Variants in SGCZ observed in about 807,000 individuals in gnomAD.
SGCZ encodes zeta-sarcoglycan.
Under a neutral mutation model 41.3 loss-of-function variants are expected in SGCZ, and 40 were observed. The ratio of observed to expected loss-of-function variants is 0.97; its 90% CI spans 0.75 to 1.26. The LOEUF (loss-of-function observed/expected upper bound fraction) is 1.26, where lower values mean the gene tolerates loss of function less well. Among genes scored for constraint, SGCZ ranks in the 50% most tolerant of loss-of-function variants. The pLI is 0.00. For missense variants in SGCZ, 552 were observed against 369.8 expected, an observed-to-expected ratio of 1.49 and a Z score of -4.04; for synonymous variants, 206 against 137.5, an observed-to-expected ratio of 1.50 and a Z score of -3.49.
chr8:14,197,819 C>A (rs1371799275), intron 4 of SGCZ, among the ~76,000 whole-genome samples: 2 of 151,516 alleles, frequency 1.3e-5, no homozygotes, highest in Non-Finnish European at 2.9e-5. Context: ...AATAATACAA[C>A]CAAGAAAAAT....
chr8:15,149,549 C>A (rs903519731), intron 1 of SGCZ, among the ~76,000 whole-genome samples: 8 of 152,140 alleles, frequency 5.3e-5, no homozygotes, highest in Non-Finnish European at 1.2e-4. Context: ...CTAGCCAACC[C>A]TCCTGCTTTA....
intron 1 of SGCZ, among the ~76,000 whole-genome samples, chr8:14,613,147 T>A (rs1301934046): frequency 1.3e-5 from 2 of 152,120 alleles, no homozygotes; most frequent in Non-Finnish European, 2.9e-5. Context: ...GGAGGGTGCA[T>A]GCTGAGTGGG....
chr8:15,010,332 A>G (rs886282422), intron 1 of SGCZ, among the ~76,000 whole-genome samples: 10 of 152,362 alleles, frequency 6.6e-5, no homozygotes, highest in African/African-American at 2.4e-4. Context: ...TTTACAAAAG[A>G]TATAATTCTA....
chr8:14,540,515 T>G (rs1037938), intron 2 of SGCZ, among the ~76,000 whole-genome samples: 2 of 151,432 alleles, frequency 1.3e-5, no homozygotes, highest in African/African-American at 4.8e-5. Context: ...ACCCTTCCAC[T>G]GATTCCCAGA....
At chr8:14,346,041 T>A (rs1242802023) in intron 2 of SGCZ, among the ~76,000 whole-genome samples, 1 of 152,092 alleles carries the variant, frequency 6.6e-6, no homozygotes, top group Non-Finnish European at 1.5e-5. Context: ...CCCCCTAGAA[T>A]ATACAACACA....
At chr8:14,618,392 A>G (rs1223621934) in intron 1 of SGCZ, among the ~76,000 whole-genome samples, 2 of 152,170 alleles carry the variant, frequency 1.3e-5, no homozygotes, top group East Asian at 1.9e-4. Flanking sequence ...GGAGTCCATG[A>G]AGATATTTGA....
At chr8:14,259,378 C>G (rs1799573703) in intron 3 of SGCZ, among the ~76,000 whole-genome samples, 1 of 151,614 alleles carries the variant, frequency 6.6e-6, no homozygotes, top group African/African-American at 2.4e-5. Context: ...GACATGAAGT[C>G]CTTGCCCATG....
At chr8:14,455,451 T>A (rs901044767) in intron 2 of SGCZ, among the ~76,000 whole-genome samples, 3 of 115,004 alleles carry the variant, frequency 2.6e-5, no homozygotes, top group Non-Finnish European at 5.4e-5. Context: ...GACATTTGCA[T>A]GCATACACAC....
At chr8:14,839,064 A>G (rs1446777589) in intron 1 of SGCZ, among the ~76,000 whole-genome samples, 1 of 152,204 alleles carries the variant, frequency 6.6e-6, no homozygotes, top group East Asian at 1.9e-4. Flanking sequence ...GCTGGCAAGA[A>G]TAGACTTTCA....
chr8:14,253,241 A>AGG lies in SGCZ; in HGVS notation c.337-15564_337-15563dup, dbSNP rs1563214437. 1.3e-4 allele frequency among the ~76,000 whole-genome samples: 12 copies of AGG among 90,248 alleles called. No individual in the cohort carries two copies. The East Asian group carries it at 1.4e-3, about 10-fold the overall frequency. The allele number at this position is 90,248 out of a possible 152,430, so 59.2% of individuals were successfully genotyped here. A position where few individuals can be genotyped will look rare whatever the true frequency, so the allele number is the denominator to read the frequency against. On this transcript the variant is annotated intron_variant, in intron 3 of 7. Coordinates refer to ENST00000382080, the MANE Select transcript of SGCZ (RefSeq NM_139167.4). ...TGCTTCTAAAAAATAAGTTGTGTGT[A>AGG]GGGTGTGTGTGTGTGTGTGTGTGTG...
chr8:15,215,175 T>C (rs765559986), intron 1 of SGCZ, among the ~76,000 whole-genome samples: 3 of 152,172 alleles, frequency 2.0e-5, no homozygotes, highest in Non-Finnish European at 4.4e-5. Flanking sequence ...AACTGTGGCA[T>C]CCTGTGGCAT....
chr8:15,097,804 A>G (rs1032986423), intron 1 of SGCZ, among the ~76,000 whole-genome samples: 3 of 131,742 alleles, frequency 2.3e-5, no homozygotes, highest in South Asian at 4.7e-4. Flanking sequence ...ATACGTGTAT[A>G]TATATATATA....
intron 1 of SGCZ, among the ~76,000 whole-genome samples, chr8:15,133,382 C>T (rs911585933): frequency 1.1e-4 from 16 of 152,142 alleles, no homozygotes; most frequent in African/African-American, 3.9e-4. Flanking sequence ...AGCTAGCAAG[C>T]AAGCAATATC....
intron 1 of SGCZ, among the ~76,000 whole-genome samples, chr8:14,915,784 A>G (rs960793726): frequency 6.6e-6 from 1 of 152,078 alleles, no homozygotes; most frequent in Middle Eastern, 3.2e-3. Flanking sequence ...CTCTCTGGAA[A>G]GGAATTGCTC....
intron 1 of SGCZ, among the ~76,000 whole-genome samples, chr8:15,208,660 G>A (rs956293224): frequency 1.3e-5 from 2 of 152,036 alleles, no homozygotes; most frequent in African/African-American, 4.8e-5. Flanking sequence ...TGTGTCAGTT[G>A]AGGCATTAGA....
intron 1 of SGCZ, among the ~76,000 whole-genome samples, chr8:14,796,470 T>C (rs1801135318): frequency 6.6e-6 from 1 of 152,174 alleles, no homozygotes; most frequent in African/African-American, 2.4e-5. Flanking sequence ...GGTCACTTAT[T>C]TGAGTATTTT....
At chr8:14,803,590 T>G in intron 1 of SGCZ, among the ~76,000 whole-genome samples, 1 of 150,484 alleles carries the variant, frequency 6.6e-6, no homozygotes, top group Admixed American at 6.6e-5. Context: ...GCCCAGGGAG[T>G]CTCCCTGATT....
intron 1 of SGCZ, among the ~76,000 whole-genome samples, chr8:14,968,888 G>A (rs375059406): frequency 4.6e-5 from 7 of 152,068 alleles, no homozygotes; most frequent in Admixed American, 2.0e-4. Flanking sequence ...GACCTAGATG[G>A]CTTTTCATTC....
chr8:14,905,151 A>G (rs1799085729), intron 1 of SGCZ, among the ~76,000 whole-genome samples: 2 of 152,062 alleles, frequency 1.3e-5, no homozygotes, highest in African/African-American at 4.8e-5. Context: ...ACTTCTGTTT[A>G]TCAATGACAT....
Sources: allele counts gnomAD v4.1 joint callset (sites outside exome capture counted in the v4.1 genomes callset), GRCh38; gene constraint gnomAD v4.1.1; transcripts MANE v1.5; gene names NCBI Gene and HGNC (gene_info 2026-07-23, HGNC 2026-07-21).